The following GJB3 variants were observed in gnomAD, a reference collection of about 807,000 sequenced individuals.
GJB3 encodes gap junction protein beta 3, also known as gap junction beta-3 protein.
In GJB3, 6 loss-of-function variants were observed where a neutral mutation model predicts 8.1. The observed-to-expected ratio is 0.75, with a 90% CI of 0.41 to 1.47. GJB3 has a LOEUF of 1.47. GJB3 is among the 40% of genes most tolerant of loss of function. The pLI, the probability that GJB3 is intolerant of heterozygous loss-of-function variation, is 0.02. For missense variants in GJB3, 348 were observed against 365.6 expected, an observed-to-expected ratio of 0.95 and a Z score of 0.39; for synonymous variants, 137 against 156.4, an observed-to-expected ratio of 0.88 and a Z score of 0.93.
chr1:34,782,918 T>C (rs1640035973), intron 1 of GJB3, among the ~76,000 whole-genome samples: 1 of 152,032 alleles, frequency 6.6e-6, no homozygotes, highest in Non-Finnish European at 1.5e-5. Flanking sequence ...TGTTTACCCA[T>C]TCAGCGCTGA....
chr1:34,784,759 C>T lies in GJB3; in HGVS notation c.-4C>T, dbSNP rs200902087. The T allele has an allele frequency of 5.8e-5, 93 of 1,611,622 alleles. No individual in the cohort carries two copies. In the African/African-American group the frequency reaches 9.7e-4, roughly 17 times the overall value. ...TCAGGTAGGCACGGCCCCCACCAGG[C>T]GCCATGGACTGGAAGACACTCCAGG... On this transcript the variant is annotated 5_prime_UTR_variant, in exon 2 of 2. Transcript: ENST00000373366.
chr1:34,783,126 T>A (rs1640039928), intron 1 of GJB3, among the ~76,000 whole-genome samples: 1 of 152,064 alleles, frequency 6.6e-6, no homozygotes, highest in Non-Finnish European at 1.5e-5. Flanking sequence ...TGTGCACCTG[T>A]GGTCCCAGCT....
intron 1 of GJB3, among the ~76,000 whole-genome samples, chr1:34,783,507 TAG>T (rs1640048391): frequency 6.6e-6 from 1 of 152,126 alleles, no homozygotes; most frequent in Non-Finnish European, 1.5e-5. Flanking sequence ...GAGAAGCTAG[TAG>T]AGTCTTAAAC....
At chr1:34,784,613 C>T (rs1485470432) in intron 1 of GJB3, 125 bp from the exon 2 acceptor site, 1 of 702,130 alleles carries the variant, frequency 1.4e-6, no homozygotes, top group Non-Finnish European at 2.5e-6. Context: ...AATAACAGTT[C>T]TGAACTCAGA....
intron 1 of GJB3, 121 bp from the exon 2 acceptor site, chr1:34,784,617 A>T: frequency 1.4e-6 from 1 of 711,224 alleles, no homozygotes; most frequent in Non-Finnish European, 2.5e-6. Flanking sequence ...ACAGTTCTGA[A>T]CTCAGAGGGT....
At chr1:34,784,356 G>T (rs1407807578) in intron 1 of GJB3, among the ~76,000 whole-genome samples, 1 of 152,182 alleles carries the variant, frequency 6.6e-6, no homozygotes. Flanking sequence ...ATCGTTCAAT[G>T]ATCAGTTTCA....
At chr1:34,784,307 G>A (rs1640062595) in intron 1 of GJB3, among the ~76,000 whole-genome samples, 2 of 152,196 alleles carry the variant, frequency 1.3e-5, no homozygotes, top group African/African-American at 4.8e-5. Context: ...TGAGTAGCCA[G>A]CATTTATGGG....
chr1:34,785,667 C>T lies in GJB3; in HGVS notation c.*92C>T. On this transcript the variant is annotated 3_prime_UTR_variant, in exon 2 of 2. Transcript: ENST00000373366. The surrounding 1 kb of genome is among the most constrained non-coding windows in gnomAD (Gnocchi z 4.7). The stretch of plus-strand genomic sequence containing the variant: ...AGAGGTCCTACAGGGGCTGAGTGAC[C>T]CCACTCTGAGTTCACTAAGTTATGC... 1 of 1,013,286 alleles carries T rather than the reference C, an allele frequency of 9.9e-7. No individual in the cohort carries two copies. The highest frequency in any genetic ancestry group is 1.4e-5 in the South Asian group (1 of 72,040). The allele number at this position is 1,013,286 out of a possible 1,614,324, so 62.8% of individuals were successfully genotyped here.
In GJB3 at chr1:34,785,179, C is replaced by A. The variant is rs1179513937; in HGVS notation, c.417C>A (p.Leu139=). The A allele has an allele frequency of 6.2e-7, 1 of 1,614,166 alleles. No individual in the cohort carries two copies. Among genetic ancestry groups the A allele is most frequent in the Non-Finnish European group, 8.5e-7 (1 of 1,180,040 alleles). The change falls in exon 2 of 2, where the codon CTC becomes CTA. Residue 139 remains leucine (L), a synonymous_variant. Coordinates refer to ENST00000373366, the MANE Select transcript of GJB3 (RefSeq NM_024009.3). The surrounding 1 kb of genome is among the most constrained non-coding windows in gnomAD (Gnocchi z 4.7). The part of the protein sequence containing the change: ...WTYLFSLIFK[L]IIEFLFLYLL... Reference sequence around the variant, plus strand: ...ACCTGTTCAGCCTCATCTTCAAGCTCATCATTGAGTTCCTCTTCCTCTACC... The same window carrying A: ...ACCTGTTCAGCCTCATCTTCAAGCTAATCATTGAGTTCCTCTTCCTCTACC...
rs919984035 is a variant in GJB3, at chr1:34,781,835, C to G, written c.-26+57C>G. 2.3e-4 allele frequency: 35 copies of G among 152,466 alleles called. No individual in the cohort carries two copies. The highest frequency in any genetic ancestry group is 2.0e-3 in the Admixed American group (31 of 15,306). 9.4% of individuals were successfully genotyped at this position (152,466 alleles called of 1,614,324 possible). On this transcript the variant is annotated intron_variant, in intron 1 of 1. Transcript: ENST00000373366. This position sits in a 1 kb window ranked among gnomAD's most constrained non-coding sequence, Gnocchi z 6.2. The stretch of plus-strand genomic sequence containing the variant: ...GCGGGACCCTCAGGGGCGCCAAGCG[C>G]TCCTGGCGACCCCCTGCGGCAGGGC...
intron 1 of GJB3, among the ~76,000 whole-genome samples, chr1:34,784,150 G>A (rs1041303386): frequency 6.6e-6 from 1 of 152,208 alleles, no homozygotes; most frequent in African/African-American, 2.4e-5. Flanking sequence ...CAAAGTAAAC[G>A]TTTCAAGAAT....
intron 1 of GJB3, among the ~76,000 whole-genome samples, chr1:34,783,423 T>C (rs1640046922): frequency 6.6e-6 from 1 of 152,160 alleles, no homozygotes; most frequent in Non-Finnish European, 1.5e-5. Flanking sequence ...AAGGAATCAG[T>C]AAAAAGCCCC....
In GJB3 at chr1:34,785,793, C is replaced by T. The variant is rs78145978; in HGVS notation, c.*218C>T. ...AGTGCCAGCCCTCAAAGGACATAGA[C>T]TTTGAAACAAGCGAATTAACTATCT... On this transcript the variant is annotated 3_prime_UTR_variant, in exon 2 of 2. Coordinates refer to ENST00000373366, the MANE Select transcript of GJB3 (RefSeq NM_024009.3). This position sits in a 1 kb window ranked among gnomAD's most constrained non-coding sequence, Gnocchi z 4.7. 2 of 605,298 alleles carry T rather than the reference C, an allele frequency of 3.3e-6. No homozygotes were observed. The highest frequency in any genetic ancestry group is 3.7e-5 in the African/African-American group (2 of 53,632). The allele number at this position is 605,298 out of a possible 1,614,324, so 37.5% of individuals were successfully genotyped here. A position where few individuals can be genotyped will look rare whatever the true frequency, so the allele number is the denominator to read the frequency against.
chr1:34,785,513 G>A lies in GJB3; in HGVS notation c.751G>A (p.Val251Met), dbSNP rs1272765197. ...CHHKLVEAGEVDPDPGNNKLQ... is the reference protein window; with the variant it reads ...CHHKLVEAGEMDPDPGNNKLQ... ...CCACAAGCTGGTGGAGGCTGGGGAG[G>A]TGGATCCAGACCCAGGCAATAACAA... Residue 251 changes from valine (V) to methionine (M), a missense_variant, in exon 2 of 2, where the codon GTG (valine) becomes ATG (methionine). By Grantham distance (21) the Val-to-Met change is conservative. Coordinates refer to ENST00000373366, the MANE Select transcript of GJB3 (RefSeq NM_024009.3). The surrounding 1 kb of genome is among the most constrained non-coding windows in gnomAD (Gnocchi z 4.7). 1.2e-6 allele frequency: 2 copies of A among 1,614,036 alleles called. No homozygotes were observed. The highest frequency in any genetic ancestry group is 1.7e-6 in the Non-Finnish European group (2 of 1,180,036).
Position 34,784,786 on chromosome 1 carries a change from C to T in GJB3, c.24C>T (p.Ala8=). The T allele has an allele frequency of 6.2e-7, 1 of 1,614,168 alleles. No individual in the cohort carries two copies. The highest frequency in any genetic ancestry group is 8.5e-7 in the Non-Finnish European group (1 of 1,180,022). Residue 8 remains alanine (A), a synonymous_variant, in exon 2 of 2, where the codon GCC becomes GCT. Coordinates refer to ENST00000373366, the MANE Select transcript of GJB3 (RefSeq NM_024009.3). MDWKTLQ[A]LLSGVNKYST... Reference sequence around the variant, plus strand: ...CCATGGACTGGAAGACACTCCAGGCCCTACTGAGCGGTGTGAACAAGTACT... The same window carrying T: ...CCATGGACTGGAAGACACTCCAGGCTCTACTGAGCGGTGTGAACAAGTACT...
Position 34,785,178 on chromosome 1 carries a change from T to C in GJB3, c.416T>C (p.Leu139Pro). Residue 139 changes from leucine to proline, a missense_variant, in exon 2 of 2, where the codon CTC (leucine) becomes CCC (proline). Coordinates refer to ENST00000373366, the MANE Select transcript of GJB3 (RefSeq NM_024009.3). This position sits in a 1 kb window ranked among gnomAD's most constrained non-coding sequence, Gnocchi z 4.7. ...TACCTGTTCAGCCTCATCTTCAAGC[T>C]CATCATTGAGTTCCTCTTCCTCTAC... ...WTYLFSLIFK[L>P]IIEFLFLYLL... 6.2e-7 allele frequency: 1 copy of C among 1,614,060 alleles called. No individual in the cohort carries two copies. Among genetic ancestry groups the C allele is most frequent in the Non-Finnish European group, 8.5e-7 (1 of 1,179,992 alleles).
intron 1 of GJB3, chr1:34,782,231 C>A (rs72898293): frequency 2.6e-5 from 4 of 152,376 alleles, no homozygotes; most frequent in Non-Finnish European, 5.9e-5. Flanking sequence ...GAAGGAAATT[C>A]TTTGCCAGTG....
At position 34,785,216 on chromosome 1, in the gene GJB3, C is replaced by T. The variant is rs746922005; in HGVS notation, c.454C>T (p.Leu152Phe). 1.9e-6 allele frequency: 3 copies of T among 1,614,088 alleles called. No individual in the cohort carries two copies. Among genetic ancestry groups the T allele is most frequent in the Middle Eastern group, 1.6e-4 (1 of 6,084 alleles). ...EFLFLYLLHT[L>F]WHGFNMPRLV... ...CCTCTTCCTCTACCTGCTGCACACT[C>T]TCTGGCATGGCTTCAATATGCCGCG... Residue 152 changes from leucine to phenylalanine, a missense_variant, in exon 2 of 2, where the codon CTC becomes TTC. Transcript: ENST00000373366. The surrounding 1 kb of genome is among the most constrained non-coding windows in gnomAD (Gnocchi z 4.7).
intron 1 of GJB3, among the ~76,000 whole-genome samples, chr1:34,782,769 G>A (rs1056956103): frequency 2.7e-4 from 41 of 152,112 alleles, no homozygotes; most frequent in Non-Finnish European, 4.9e-4. Context: ...TGCTGAGAAG[G>A]AACTGTGCTC....
Sources: allele counts gnomAD v4.1 joint callset (sites outside exome capture counted in the v4.1 genomes callset), GRCh38; gene constraint gnomAD v4.1.1; non-coding constraint Gnocchi (gnomAD v3.1); transcripts MANE v1.5; gene names NCBI Gene and HGNC (gene_info 2026-07-23, HGNC 2026-07-21).